Variants in ZNF490 observed in about 807,000 individuals in gnomAD.
ZNF490 encodes zinc finger protein 490.
In ZNF490, 11 loss-of-function variants were observed where a neutral mutation model predicts 17.7. The ratio of observed to expected loss-of-function variants is 0.62; its 90% CI spans 0.39 to 1.03. The LOEUF (loss-of-function observed/expected upper bound fraction) is 1.03. Among genes scored for constraint, ZNF490 ranks in the 50% least tolerant of loss-of-function variants. ZNF490 has a pLI of 0.00. For synonymous variants in ZNF490, 222 were observed against 216.1 expected (o/e 1.03, Z -0.24); for missense variants, 542 against 643.4 (o/e 0.84, Z 1.71).
intron 2 of ZNF490, among the ~76,000 whole-genome samples, chr19:12,608,310 G>A (rs901583864): frequency 6.6e-6 from 1 of 151,990 alleles, no homozygotes; most frequent in Non-Finnish European, 1.5e-5. Context: ...TTGAGACAGG[G>A]TCTCGCTCTG....
chr19:12,582,657 G>C lies in ZNF490; in HGVS notation c.350+193C>G, dbSNP rs145918723. ...GATCCACTGGCCTCAGCCTCCCAAA[G>C]TGCTGGGATTACAGACATGAGCCAC... On this transcript the variant is annotated intron_variant, in intron 4 of 4. Transcript: ENST00000311437. 3.7e-3 allele frequency among the ~76,000 whole-genome samples: 563 copies of C among 152,100 alleles called. 2 individuals are homozygous for C. Among genetic ancestry groups the C allele is most frequent in the Middle Eastern group, 0.01 (3 of 294 alleles).
At position 12,581,570 on chromosome 19, in the gene ZNF490, C is replaced by T. The variant is rs950576033; in HGVS notation, c.505G>A (p.Val169Ile). The T allele has an allele frequency of 3.7e-6, 6 of 1,613,836 alleles. No homozygotes were observed. The African/African-American group carries it at 5.3e-5, about 14-fold the overall frequency. The part of the protein sequence containing the change: ...SVCGEVFMHQ[V>I]SLNRHMRSHT... ...GATCTCATGTGCCTATTAAGGGAGA[C>T]CTGATGCATGAAGACTTCCCCACAC... is the stretch of plus-strand genomic sequence containing the variant. Residue 169 changes from valine (V) to isoleucine (I), a missense_variant, in exon 5 of 5, where the codon GTC (valine) becomes ATC (isoleucine). By Grantham distance (29) the Val-to-Ile change is conservative. Coordinates refer to ENST00000311437, the MANE Select transcript of ZNF490 (RefSeq NM_020714.3).
chr19:12,577,756 AC>A lies in ZNF490; in HGVS notation c.*2728del. The A allele has an allele frequency of 1.0e-6, 1 of 985,390 alleles. No individual in the cohort carries two copies. The allele number at this position is 985,390 out of a possible 1,614,324, so 61.0% of individuals were successfully genotyped here. A position where few individuals can be genotyped will look rare whatever the true frequency, so the allele number is the denominator to read the frequency against. The stretch of plus-strand genomic sequence containing the variant: ...GAGGCCAGAGGCCTAAAGAGTTCCG[AC>A]CCGAGCGACACAAAGATCACTTCTG... On this transcript the variant is annotated 3_prime_UTR_variant, in exon 5 of 5. Transcript: ENST00000311437.
Position 12,579,027 on chromosome 19 carries a change from G to T in ZNF490, c.*1458C>A, listed in dbSNP as rs1032415241. 4.4e-4 allele frequency: 328 copies of T among 753,292 alleles called. 1 individual carries two copies. Among genetic ancestry groups the T allele is most frequent in the Middle Eastern group, 4.0e-3 (6 of 1,504 alleles). The allele number at this position is 753,292 out of a possible 1,614,324, so 46.7% of individuals were successfully genotyped here. The stretch of plus-strand genomic sequence containing the variant: ...CCAGCACTTTGGGAGGCCGAGGAGG[G>T]CGGATCACGAGGTCAGGAGATCAAG... On this transcript the variant is annotated 3_prime_UTR_variant, in exon 5 of 5. Coordinates refer to ENST00000311437, the MANE Select transcript of ZNF490 (RefSeq NM_020714.3).
rs779692321 is a variant in ZNF490, at chr19:12,576,496, CTG to C, written c.*3987_*3988del. Among the ~76,000 whole-genome samples, 17 of 151,628 alleles carry C rather than the reference CTG, an allele frequency of 1.1e-4. No homozygotes were observed. Among genetic ancestry groups the C allele is most frequent in the Non-Finnish European group, 2.1e-4 (14 of 67,938 alleles). On this transcript the variant is annotated 3_prime_UTR_variant, in exon 5 of 5. Transcript: ENST00000311437. ...AGTCCAGCTTGGTGACAGAGCGAGA[CTG>C]TGTCTCAAAAAAACAACAAACAAAC...
At position 12,578,368 on chromosome 19, in the gene ZNF490, G is replaced by C; in HGVS notation, c.*2117C>G. ...GACTGTGGTGGTTGGTGCAGGGCTG[G>C]TAACCGCAGGAGAGTGGATGCTGTG... On this transcript the variant is annotated 3_prime_UTR_variant, in exon 5 of 5. Transcript: ENST00000311437. 3 of 985,758 alleles carry C rather than the reference G, an allele frequency of 3.0e-6. No individual in the cohort carries two copies. Among genetic ancestry groups the C allele is most frequent in the Non-Finnish European group, 3.6e-6 (3 of 830,140 alleles). 61.1% of individuals were successfully genotyped at this position (985,758 alleles called of 1,614,324 possible).
chr19:12,594,533 G>A (rs1307823462), intron 2 of ZNF490, among the ~76,000 whole-genome samples: 1 of 152,050 alleles, frequency 6.6e-6, no homozygotes, highest in East Asian at 1.9e-4. Context: ...TAACAGGAGT[G>A]CCTGCCATAT....
chr19:12,582,979 T>A (rs547704146), intron 3 of ZNF490, 69 bp from the exon 4 acceptor site: 3 of 1,269,372 alleles, frequency 2.4e-6, no homozygotes, highest in Non-Finnish European at 3.4e-6. Flanking sequence ...CACTCTAAGA[T>A]CCATGATTAG....
intron 2 of ZNF490, among the ~76,000 whole-genome samples, chr19:12,591,860 T>C (rs1361887980): frequency 6.6e-6 from 1 of 151,790 alleles, no homozygotes; most frequent in African/African-American, 2.4e-5. Flanking sequence ...ACTCTTAAAT[T>C]GTAATCTAGC....
Position 12,580,931 on chromosome 19 carries a change from T to G in ZNF490, c.1144A>C (p.Arg382=), listed in dbSNP as rs751822142. ...KSSSSCEVHE[R]THFGEKPYEC... is the part of the protein sequence containing the mutation. ...TAGGGTTTTTCTCCAAAATGAGTTC[T>G]TTCGTGCACTTCACAGGAACTAGAT... Residue 382 remains arginine, a synonymous_variant, in exon 5 of 5, where the codon AGA becomes CGA. Coordinates refer to ENST00000311437, the MANE Select transcript of ZNF490 (RefSeq NM_020714.3). 276 of 1,614,108 alleles carry G rather than the reference T, an allele frequency of 1.7e-4. 1 individual carries two copies. Among genetic ancestry groups the G allele is most frequent in the Non-Finnish European group, 3.5e-5 (41 of 1,180,050 alleles).
Position 12,602,971 on chromosome 19 carries a change from A to C in ZNF490, c.162+6187T>G, listed in dbSNP as rs551060128. 6.6e-5 allele frequency among the ~76,000 whole-genome samples: 10 copies of C among 152,228 alleles called. No individual in the cohort carries two copies. In the South Asian group the frequency reaches 1.9e-3, roughly 28 times the overall value. ...GTGCAGAGTACTTATTCAAATCCAC[A>C]GTGATTTCCCAGTTGACACACAGAC... On this transcript the variant is annotated intron_variant, in intron 2 of 4. Transcript: ENST00000311437.
Position 12,580,215 on chromosome 19 carries a change from G to C in ZNF490, c.*270C>G, listed in dbSNP as rs1486079662. 2.5e-6 allele frequency: 3 copies of C among 1,193,730 alleles called. No homozygotes were observed. The African/African-American group carries it at 4.7e-5, about 19-fold the overall frequency. 73.9% of individuals were successfully genotyped at this position (1,193,730 alleles called of 1,614,324 possible). On this transcript the variant is annotated 3_prime_UTR_variant, in exon 5 of 5. Coordinates refer to ENST00000311437, the MANE Select transcript of ZNF490 (RefSeq NM_020714.3). ...TTCTCAGGTGTCTTTAAAAGATTAC[G>C]TGAAGTGAAGGCTTTCCTACACTCC...
rs1479118231 is a variant in ZNF490, at chr19:12,577,527, GCGAA to G, written c.*2954_*2957del. The G allele has an allele frequency of 6.9e-5, 40 of 579,756 alleles. No homozygotes were observed. In the African/African-American group the frequency reaches 2.2e-3, roughly 32 times the overall value. 35.9% of individuals were successfully genotyped at this position (579,756 alleles called of 1,614,324 possible). ...ACCATAAATGTTCCTGGTGAGAGAA[GCGAA>G]TGTTCCTGGTGAGAGAAGCGAAGGT... On this transcript the variant is annotated 3_prime_UTR_variant, in exon 5 of 5. Transcript: ENST00000311437.
rs533429414 is a variant in ZNF490, at chr19:12,577,955, G to A, written c.*2530C>T. 10 of 985,404 alleles carry A rather than the reference G, an allele frequency of 1.0e-5. No homozygotes were observed. The South Asian group carries it at 3.3e-4, about 32-fold the overall frequency. 61.0% of individuals were successfully genotyped at this position (985,404 alleles called of 1,614,324 possible). On this transcript the variant is annotated 3_prime_UTR_variant, in exon 5 of 5. Transcript: ENST00000311437. ...ATGCAATTCAGAAAACGGAGAATTC[G>A]GAGGCTCCAGCAAGCAGTTTATTGG...
intron 2 of ZNF490, among the ~76,000 whole-genome samples, chr19:12,598,147 C>G (rs1238740504): frequency 6.6e-6 from 1 of 151,744 alleles, no homozygotes; most frequent in African/African-American, 2.4e-5. Context: ...TCACTTGAAC[C>G]TGGGAGGCGG....
chr19:12,593,973 G>A (rs1368500154), intron 2 of ZNF490, among the ~76,000 whole-genome samples: 1 of 152,198 alleles, frequency 6.6e-6, no homozygotes, highest in South Asian at 2.1e-4. Flanking sequence ...TAGGACCCAT[G>A]GCAAAATGAG....
chr19:12,578,252 C>CT lies in ZNF490; in HGVS notation c.*2232_*2233insA, dbSNP rs2022672369. 2.0e-6 allele frequency: 2 copies of CT among 985,532 alleles called. No homozygotes were observed. The highest frequency in any genetic ancestry group is 2.4e-6 in the Non-Finnish European group (2 of 830,042). 61.0% of individuals were successfully genotyped at this position (985,532 alleles called of 1,614,324 possible). A position where few individuals can be genotyped will look rare whatever the true frequency, so the allele number is the denominator to read the frequency against. On this transcript the variant is annotated 3_prime_UTR_variant, in exon 5 of 5. Transcript: ENST00000311437. The stretch of plus-strand genomic sequence containing the variant: ...AGAATGTGCCAGAAAACAGGGAAAG[C>CT]AAGTTAGGGGAGGTAAGAATTCTGA...
At chr19:12,590,996 A>G (rs1390987348) in intron 2 of ZNF490, among the ~76,000 whole-genome samples, 1 of 152,128 alleles carries the variant, frequency 6.6e-6, no homozygotes, top group Non-Finnish European at 1.5e-5. Context: ...GTAAAATACA[A>G]TAAGACTCCT....
chr19:12,578,739 G>A lies in ZNF490; in HGVS notation c.*1746C>T, dbSNP rs2022678108. On this transcript the variant is annotated 3_prime_UTR_variant, in exon 5 of 5. Transcript: ENST00000311437. ...CTGGGAGTCTTCTCACTTCTCTCCA[G>A]TCATGTGTGAGAGCTGAGGGCAGGC... 1.0e-6 allele frequency: 1 copy of A among 985,444 alleles called. No homozygotes were observed. The highest frequency in any genetic ancestry group is 1.7e-5 in the African/African-American group (1 of 57,358). The allele number at this position is 985,444 out of a possible 1,614,324, so 61.0% of individuals were successfully genotyped here. A position where few individuals can be genotyped will look rare whatever the true frequency, so the allele number is the denominator to read the frequency against.
Sources: gnomAD v4.1 joint callset for allele counts (sites outside exome capture counted in the v4.1 genomes callset) on GRCh38, gnomAD v4.1.1 for gene constraint, MANE v1.5 for transcripts, NCBI Gene and HGNC (gene_info 2026-07-23, HGNC 2026-07-21) for gene names.